PIK3R1: variants seen among roughly 807,000 people sequenced by gnomAD.
PIK3R1 encodes the protein phosphoinositide-3-kinase regulatory subunit 1.
A neutral mutation model predicts 98.0 loss-of-function variants in PIK3R1; 29 were observed. That is an observed-to-expected ratio of 0.30 (90% CI 0.22 to 0.40). The LOEUF (loss-of-function observed/expected upper bound fraction) is 0.40, where lower values mean the gene tolerates loss of function less well. Ranked by LOEUF, PIK3R1 falls within the 10% of genes least tolerant of loss-of-function variation. The pLI is 1.00. For missense variants in PIK3R1, 596 were observed against 872.7 expected (o/e 0.68, Z 3.99); for synonymous variants, 282 against 311.8 (o/e 0.90, Z 1.01).
At chr5:68,222,176 A>C (rs1449708030) in intron 1 of PIK3R1, among the ~76,000 whole-genome samples, 1 of 152,230 alleles carries the variant, frequency 6.6e-6, no homozygotes, top group African/African-American at 2.4e-5. Flanking sequence ...GAATAGAGGC[A>C]TGATAGAGTG....
intron 3 of PIK3R1, 162 bp from the exon 4 acceptor site, chr5:68,273,777 A>G (rs1001447574): frequency 1.5e-6 from 1 of 666,238 alleles, no homozygotes; most frequent in African/African-American, 1.8e-5. Context: ...AATTATCAAC[A>G]TGCCAGGTAA....
chr5:68,295,723 ATGATGTCCC>A (rs1747677756), intron 14 of PIK3R1: 1 of 556,220 alleles, frequency 1.8e-6, no homozygotes, highest in East Asian at 3.0e-5. Context: ...TGTGTCCATA[ATGATGTCCC>A]TGAACATCTG....
At chr5:68,283,259 A>G (rs561162998) in intron 7 of PIK3R1, among the ~76,000 whole-genome samples, 2 of 152,250 alleles carry the variant, frequency 1.3e-5, no homozygotes, top group Non-Finnish European at 2.9e-5. Flanking sequence ...AGACTCTGTT[A>G]TAGGGCAGAT....
chr5:68,273,437 G>T lies in PIK3R1; in HGVS notation c.382G>T (p.Ala128Ser), dbSNP rs750675644. The T allele has an allele frequency of 2.5e-6, 4 of 1,614,026 alleles. No homozygotes were observed. Among genetic ancestry groups the T allele is most frequent in the Non-Finnish European group, 3.4e-6 (4 of 1,179,976 alleles). Residue 128 changes from alanine (A) to serine (S), a missense_variant, in exon 3 of 16, where the codon GCC (alanine) becomes TCC (serine). Coordinates refer to ENST00000521381, the MANE Select transcript of PIK3R1 (RefSeq NM_181523.3). ...AGAGCAGTTTGCCCCTCCTGACATTGCCCCGCCTCTTCTTATCAAGCTCGT... is the reference window on the plus strand; with the variant it reads ...AGAGCAGTTTGCCCCTCCTGACATTTCCCCGCCTCTTCTTATCAAGCTCGT... Reference protein sequence around the residue: ...LAEQFAPPDIAPPLLIKLVEA... With the variant: ...LAEQFAPPDISPPLLIKLVEA...
intron 1 of PIK3R1, among the ~76,000 whole-genome samples, chr5:68,223,390 A>G (rs893673177): frequency 2.6e-5 from 4 of 151,246 alleles, no homozygotes; most frequent in African/African-American, 9.7e-5. Flanking sequence ...TTTTTCCACA[A>G]CATTGCCCTC....
At position 68,273,976 on chromosome 5, in the gene PIK3R1, C is replaced by T. The variant is rs1226679390; in HGVS notation, c.465C>T (p.Ser155=). The T allele has an allele frequency of 6.2e-7, 1 of 1,614,016 alleles. No homozygotes were observed. Among genetic ancestry groups the T allele is most frequent in the Non-Finnish European group, 8.5e-7 (1 of 1,179,904 alleles). ...ECSTLYRTQS[S]SNLAELRQLL... ...CAACTCTATACAGAACACAGAGCTC[C>T]AGCAACCTGGCAGAATTACGACAGC... Residue 155 remains serine, a synonymous_variant, in exon 4 of 16, where the codon TCC becomes TCT. Transcript: ENST00000521381.
At chr5:68,248,562 C>T (rs1435472372) in intron 2 of PIK3R1, among the ~76,000 whole-genome samples, 1 of 152,038 alleles carries the variant, frequency 6.6e-6, no homozygotes, top group African/African-American at 2.4e-5. Context: ...TGTTAGTGTC[C>T]TTATTTTTTC....
intron 1 of PIK3R1, among the ~76,000 whole-genome samples, chr5:68,218,445 G>A (rs1561253672): frequency 3.3e-5 from 5 of 151,998 alleles, no homozygotes; most frequent in South Asian, 4.2e-4. Context: ...CATATTGGTC[G>A]TTCAGGGGAG....
chr5:68,224,474 G>C (rs886471259), intron 1 of PIK3R1, among the ~76,000 whole-genome samples: 2 of 152,080 alleles, frequency 1.3e-5, no homozygotes, highest in African/African-American at 4.8e-5. Flanking sequence ...CTTTTAATAT[G>C]TAACTCTCCT....
intron 2 of PIK3R1, among the ~76,000 whole-genome samples, chr5:68,250,914 C>T (rs1205753869): frequency 2.0e-5 from 3 of 152,144 alleles, no homozygotes; most frequent in Non-Finnish European, 4.4e-5. Context: ...CAGTACTGAG[C>T]TCAAGAGGAA....
intron 1 of PIK3R1, among the ~76,000 whole-genome samples, chr5:68,220,707 C>G (rs1248347955): frequency 6.6e-6 from 1 of 152,188 alleles, no homozygotes; most frequent in Non-Finnish European, 1.5e-5. Context: ...ACCCACACCA[C>G]ACACCCAGCC....
intron 7 of PIK3R1, chr5:68,288,802 CT>C (rs767970661): frequency 3.8e-6 from 6 of 1,582,384 alleles, no homozygotes; most frequent in Admixed American, 1.7e-5. Flanking sequence ...TGAGCGGTGC[CT>C]TTCTGTAGTT....
At chr5:68,245,927 G>A (rs372559577) in intron 2 of PIK3R1, among the ~76,000 whole-genome samples, 1 of 152,184 alleles carries the variant, frequency 6.6e-6, no homozygotes, top group Non-Finnish European at 1.5e-5. Context: ...AGTAAGCATG[G>A]ACTGACCAGT....
intron 4 of PIK3R1, among the ~76,000 whole-genome samples, chr5:68,275,118 T>G (rs1746518655): frequency 6.6e-6 from 1 of 152,232 alleles, no homozygotes; most frequent in African/African-American, 2.4e-5. Flanking sequence ...ACTTGAAATG[T>G]TCTGACCAGA....
intron 2 of PIK3R1, among the ~76,000 whole-genome samples, chr5:68,257,517 A>G (rs1745567228): frequency 6.6e-6 from 1 of 152,108 alleles, no homozygotes; most frequent in Admixed American, 6.5e-5. Context: ...GGGTGGGGAG[A>G]GATGGGCTGT....
chr5:68,267,636 T>A (rs1746176718), intron 2 of PIK3R1, among the ~76,000 whole-genome samples: 2 of 152,178 alleles, frequency 1.3e-5, no homozygotes, highest in Non-Finnish European at 2.9e-5. Flanking sequence ...CATACTTTTT[T>A]TCTCCTTCTT....
intron 7 of PIK3R1, among the ~76,000 whole-genome samples, chr5:68,284,255 T>G (rs1044764359): frequency 1.3e-5 from 2 of 152,234 alleles, no homozygotes; most frequent in Non-Finnish European, 2.9e-5. Context: ...ATTCCTTCAG[T>G]CCACCCATTC....
rs911371205 is a variant in PIK3R1, at chr5:68,226,621, T to G, written c.-55T>G. The G allele has an allele frequency of 5.7e-6, 8 of 1,403,914 alleles. No homozygotes were observed. In the African/African-American group the frequency reaches 1.1e-4, roughly 20 times the overall value. The allele number at this position is 1,403,914 out of a possible 1,614,324, so 87.0% of individuals were successfully genotyped here. On this transcript the variant is annotated 5_prime_UTR_variant, in exon 2 of 16. Transcript: ENST00000521381. ...ATTCACTTTTCATAAAAACGTAAAA[T>G]CAGACTGCTCTGTACAACCAGGCTC...
Position 68,300,820 on chromosome 5 carries a change from A to G in PIK3R1, c.*3219A>G. The G allele has an allele frequency of 4.3e-6, 1 of 233,254 alleles. No individual in the cohort carries two copies. Among genetic ancestry groups the G allele is most frequent in the Non-Finnish European group, 8.5e-6 (1 of 118,036 alleles). 14.4% of individuals were successfully genotyped at this position (233,254 alleles called of 1,614,324 possible). ...CAAAGGTGAAAATTGTTTGTAAGTGAAGTGAGAAGTTCATATTTCTTTGGC... is the reference window on the plus strand; with the variant it reads ...CAAAGGTGAAAATTGTTTGTAAGTGGAGTGAGAAGTTCATATTTCTTTGGC... On this transcript the variant is annotated 3_prime_UTR_variant, in exon 16 of 16. Coordinates refer to ENST00000521381, the MANE Select transcript of PIK3R1 (RefSeq NM_181523.3).
Sources: gnomAD v4.1 joint callset for allele counts (sites outside exome capture counted in the v4.1 genomes callset) on GRCh38, gnomAD v4.1.1 for gene constraint, MANE v1.5 for transcripts, NCBI Gene and HGNC (gene_info 2026-07-23, HGNC 2026-07-21) for gene names.